The following SSPN variants were observed in gnomAD, a reference collection of about 807,000 sequenced individuals.
SSPN encodes the protein sarcospan, also known as K-ras oncogene-associated protein.
Under a neutral mutation model 19.1 loss-of-function variants are expected in SSPN, and 15 were observed. The observed-to-expected ratio is 0.78, with a 90% CI of 0.52 to 1.21. SSPN has a LOEUF of 1.21. Ranked by LOEUF, SSPN falls within the 50% of genes most tolerant of loss-of-function variation. The pLI, the probability that SSPN is intolerant of heterozygous loss-of-function variation, is 0.00. For missense variants in SSPN, 291 were observed against 314.0 expected (o/e 0.93, Z 0.55); for synonymous variants, 147 against 140.3 (o/e 1.05, Z -0.34).
At chr12:26,186,906 T>A (rs1243935968) in intron 1 of SSPN, among the ~76,000 whole-genome samples, 1 of 152,192 alleles carries the variant, frequency 6.6e-6, no homozygotes, top group Admixed American at 6.5e-5. Context: ...TGAGGCTAAA[T>A]AATGTTATCA....
chr12:26,147,912 G>C (rs1221892627), intron 1 of SSPN, among the ~76,000 whole-genome samples: 5 of 152,184 alleles, frequency 3.3e-5, no homozygotes, highest in African/African-American at 1.2e-4. Context: ...TGCACTAATA[G>C]AATCTTCTTG....
At chr12:26,141,304 T>C (rs1565670527) in intron 1 of SSPN, among the ~76,000 whole-genome samples, 2 of 152,152 alleles carry the variant, frequency 1.3e-5, no homozygotes, top group African/African-American at 4.8e-5. Flanking sequence ...ATCCAAGGAC[T>C]GTGGGTGCCT....
At chr12:26,145,911 T>C (rs992490052) in intron 1 of SSPN, among the ~76,000 whole-genome samples, 1 of 152,212 alleles carries the variant, frequency 6.6e-6, no homozygotes, top group Non-Finnish European at 1.5e-5. Flanking sequence ...CAGGACTTTG[T>C]GGACCCATGT....
chr12:26,123,609 G>A (rs1215786371), intron 1 of SSPN: 2 of 1,554,794 alleles, frequency 1.3e-6, no homozygotes, highest in Admixed American at 1.7e-5. Context: ...AGGGTAGGCT[G>A]GCCTCCCTGA....
intron 2 of SSPN, among the ~76,000 whole-genome samples, chr12:26,226,442 T>C (rs1357576751): frequency 6.6e-6 from 1 of 152,168 alleles, no homozygotes; most frequent in Non-Finnish European, 1.5e-5. Flanking sequence ...AGTCTCATTG[T>C]AGTCCACACG....
At chr12:26,124,253 G>GGGGGGGGGGGGGGC in intron 1 of SSPN, 5 of 785,866 alleles carry the variant, frequency 6.4e-6, no homozygotes, top group Non-Finnish European at 6.3e-6. Flanking sequence ...ACCCTCGTCT[G>GGGGGGGGGGGGGGC]CCCCCCCCGC....
intron 1 of SSPN, chr12:26,125,334 C>G (rs1944355167): frequency 4.3e-6 from 1 of 230,786 alleles, no homozygotes; most frequent in Non-Finnish European, 8.6e-6. Flanking sequence ...TCCTTGGCTC[C>G]AAAATGCGAC....
intron 1 of SSPN, among the ~76,000 whole-genome samples, chr12:26,196,571 C>G (rs908844639): frequency 1.3e-5 from 2 of 152,166 alleles, no homozygotes; most frequent in Admixed American, 6.5e-5. Flanking sequence ...GGGACTCCAC[C>G]GATGGATGTA....
intron 1 of SSPN, among the ~76,000 whole-genome samples, chr12:26,145,135 G>C (rs1052405353): frequency 2.0e-5 from 3 of 152,192 alleles, no homozygotes; most frequent in Non-Finnish European, 4.4e-5. Flanking sequence ...AACATCATTA[G>C]CTGTCTTTCT....
At chr12:26,125,567 A>G (rs1302058615) in intron 1 of SSPN, 1 of 152,750 alleles carries the variant, frequency 6.5e-6, no homozygotes, top group Non-Finnish European at 1.5e-5. Context: ...AGAAGAAGCA[A>G]CTTGCAATCC....
At chr12:26,174,772 C>T (rs923978840) in intron 1 of SSPN, among the ~76,000 whole-genome samples, 1 of 152,124 alleles carries the variant, frequency 6.6e-6, no homozygotes, top group African/African-American at 2.4e-5. Context: ...CCACCCACCT[C>T]GACCTCCCAA....
rs74518817 is a variant in SSPN, at chr12:26,197,898, G to C, written c.279+1947G>C. ...GGAGAGCAGCTAGTAGAGATGTCCT[G>C]AGACTAGTGAGGAGGGTCTCTGAGG... On this transcript the variant is annotated intron_variant, in intron 1 of 2. Transcript: ENST00000242729. 3.4e-3 allele frequency among the ~76,000 whole-genome samples: 517 copies of C among 152,290 alleles called. 3 individuals are homozygous for C. The highest frequency in any genetic ancestry group is 0.012 in the African/African-American group (487 of 41,550).
chr12:26,150,685 A>G (rs981390105), intron 1 of SSPN, among the ~76,000 whole-genome samples: 10 of 152,216 alleles, frequency 6.6e-5, no homozygotes, highest in African/African-American at 2.2e-4. Context: ...TTGAGACCCC[A>G]CAGTTGAGAA....
chr12:26,160,580 G>A (rs750546359), intron 1 of SSPN, among the ~76,000 whole-genome samples: 5 of 152,174 alleles, frequency 3.3e-5, no homozygotes, highest in Admixed American at 2.0e-4. Context: ...ATCAATATAC[G>A]TGGAGTGTGT....
At chr12:26,226,102 G>A (rs566784458) in intron 2 of SSPN, among the ~76,000 whole-genome samples, 1 of 152,250 alleles carries the variant, frequency 6.6e-6, no homozygotes, top group East Asian at 1.9e-4. Context: ...CAAATACTGA[G>A]GCACTTTCCT....
At chr12:26,210,962 A>C (rs966687475) in intron 1 of SSPN, among the ~76,000 whole-genome samples, 10 of 152,136 alleles carry the variant, frequency 6.6e-5, no homozygotes, top group African/African-American at 2.4e-4. Context: ...AAAATGAGCT[A>C]ATGTATAAAA....
At chr12:26,180,761 T>C (rs1436909474) in intron 1 of SSPN, 1 of 152,212 alleles carries the variant, frequency 6.6e-6, no homozygotes, top group Non-Finnish European at 1.5e-5. Flanking sequence ...TCATCTTCTG[T>C]AGACTCATAC....
At chr12:26,193,325 C>T (rs180909607), upstream of SSPN, among the ~76,000 whole-genome samples, 75 of 152,252 alleles carry the variant, frequency 4.9e-4, no homozygotes, top group Admixed American at 4.4e-3. Flanking sequence ...CATAAGTAGG[C>T]TAGTGACTTT....
chr12:26,225,418 T>C (rs557769698), intron 2 of SSPN, among the ~76,000 whole-genome samples: 1 of 152,282 alleles, frequency 6.6e-6, no homozygotes, highest in African/African-American at 2.4e-5. Flanking sequence ...TTACACAAAA[T>C]GTATGATATT....
Sources: allele counts gnomAD v4.1 joint callset (sites outside exome capture counted in the v4.1 genomes callset), GRCh38; gene constraint gnomAD v4.1.1; transcripts MANE v1.5; gene names NCBI Gene and HGNC (gene_info 2026-07-23, HGNC 2026-07-21).